Variants in AKT3 observed in about 807,000 individuals in gnomAD.
AKT3 encodes the protein RAC-gamma serine/threonine-protein kinase.
A neutral mutation model predicts 65.3 loss-of-function variants in AKT3; 15 were observed. The ratio of observed to expected loss-of-function variants is 0.23; its 90% CI spans 0.15 to 0.35. The LOEUF (loss-of-function observed/expected upper bound fraction) is 0.35, where lower values mean the gene tolerates loss of function less well. AKT3 is among the 10% of genes least tolerant of loss of function. The pLI is 1.00. For synonymous variants in AKT3, 206 were observed against 183.8 expected (o/e 1.12, Z -0.98); for missense variants, 243 against 576.5 (o/e 0.42, Z 5.92).
intron 6 of AKT3, among the ~76,000 whole-genome samples, chr1:243,627,908 C>T (rs537885456): frequency 1.3e-5 from 2 of 152,232 alleles, no homozygotes; most frequent in South Asian, 2.1e-4. Context: ...ACCTAAACAA[C>T]AGCAGGCTAT....
At chr1:243,725,012 C>T (rs181593647) in intron 2 of AKT3, among the ~76,000 whole-genome samples, 2 of 150,270 alleles carry the variant, frequency 1.3e-5, no homozygotes, top group Admixed American at 6.6e-5. Context: ...GGACCAGCCT[C>T]GGCAACATAG....
At chr1:243,803,644 GTACACACA>G (rs1191607737) in intron 2 of AKT3, among the ~76,000 whole-genome samples, 1 of 87,838 alleles carries the variant, frequency 1.1e-5, no homozygotes, top group African/African-American at 4.4e-5. Context: ...AGACGTACAT[GTACACACA>G]CACACACACA....
chr1:243,571,444 G>A (rs1377296039), intron 9 of AKT3, among the ~76,000 whole-genome samples: 2 of 152,042 alleles, frequency 1.3e-5, no homozygotes, highest in African/African-American at 4.8e-5. Flanking sequence ...CAGTCTTTAG[G>A]CTAATAATTC....
At chr1:243,576,029 A>C (rs1281729226) in intron 8 of AKT3, among the ~76,000 whole-genome samples, 2 of 152,142 alleles carry the variant, frequency 1.3e-5, no homozygotes, top group Non-Finnish European at 2.9e-5. Context: ...TTTTCTGTAG[A>C]TAATAAGTAT....
intron 3 of AKT3, among the ~76,000 whole-genome samples, chr1:243,677,194 C>CAT (rs1448375815): frequency 6.6e-6 from 1 of 152,182 alleles, no homozygotes; most frequent in East Asian, 1.9e-4. Flanking sequence ...TCACCTGACA[C>CAT]ATACTCCCTT....
At chr1:243,521,036 C>T (rs1670687930) in intron 12 of AKT3, among the ~76,000 whole-genome samples, 1 of 152,130 alleles carries the variant, frequency 6.6e-6, no homozygotes, top group Non-Finnish European at 1.5e-5. Context: ...TAAGAGATTC[C>T]ACAGACCTTT....
rs536290995 is a variant in AKT3 at position 243,606,244 on chromosome 1, G to T, written c.696+7427C>A. ...AATGTAAAAACAGCTTTCCAACCAG[G>T]TAACAGGCAAGGCTGGAACAGTATG... On this transcript the variant is annotated intron_variant, in intron 8 of 13. Coordinates refer to ENST00000673466, the MANE Select transcript of AKT3 (RefSeq NM_005465.7). 2.0e-5 allele frequency among the ~76,000 whole-genome samples: 3 copies of T among 152,292 alleles called. No individual in the cohort carries two copies. The East Asian group carries it at 5.8e-4, about 29-fold the overall frequency.
intron 13 of AKT3, among the ~76,000 whole-genome samples, chr1:243,511,077 G>C (rs1669982021): frequency 6.6e-6 from 1 of 152,234 alleles, no homozygotes; most frequent in Non-Finnish European, 1.5e-5. Context: ...TCTAGCAATG[G>C]CACAAGATTG....
At chr1:243,544,245 G>GAAA (rs377475491) in intron 12 of AKT3, among the ~76,000 whole-genome samples, 9 of 73,220 alleles carry the variant, frequency 1.2e-4, no homozygotes, top group East Asian at 4.6e-4. Flanking sequence ...GGTAGTGGGG[G>GAAA]AAAAAAAAAA....
intron 2 of AKT3, among the ~76,000 whole-genome samples, chr1:243,842,887 C>T (rs1695330767): frequency 6.6e-6 from 1 of 152,188 alleles, no homozygotes; most frequent in African/African-American, 2.4e-5. Flanking sequence ...ACGCTACACA[C>T]AACATACCAG....
At chr1:243,609,334 CTGTGTGTGTGTGTGTG>C (rs72249798) in intron 8 of AKT3, among the ~76,000 whole-genome samples, 2 of 148,068 alleles carry the variant, frequency 1.4e-5, no homozygotes, top group East Asian at 2.0e-4. Flanking sequence ...TTTTCATTTT[CTGTGTGTGTGTGTGTG>C]TGTGTGTGTG....
rs561456373 is a variant in AKT3, at chr1:243,536,513, C to A, written c.1251+8997G>T. On this transcript the variant is annotated intron_variant, in intron 12 of 13. Coordinates refer to ENST00000673466, the MANE Select transcript of AKT3 (RefSeq NM_005465.7). ...ACTTATCACGTTTAATATCTGAAAT[C>A]TACTTAGCCTCAAATTATTATTGTT... Among the ~76,000 whole-genome samples the A allele has an allele frequency of 1.5e-4, 23 of 152,270 alleles. No homozygotes were observed. In the South Asian group the frequency reaches 4.6e-3, roughly 30 times the overall value.
chr1:243,519,770 T>C (rs1157315724), intron 12 of AKT3, among the ~76,000 whole-genome samples: 1 of 152,104 alleles, frequency 6.6e-6, no homozygotes, highest in Non-Finnish European at 1.5e-5. Flanking sequence ...GACTTATTTT[T>C]CCCCTAAACT....
chr1:243,567,955 T>C (rs192076123), intron 9 of AKT3, among the ~76,000 whole-genome samples: 2 of 152,312 alleles, frequency 1.3e-5, no homozygotes, highest in East Asian at 1.9e-4. Context: ...TTCCAAAGCA[T>C]ATCAATGGCC....
At chr1:243,637,997 T>C (rs910897675) in intron 5 of AKT3, among the ~76,000 whole-genome samples, 1 of 152,066 alleles carries the variant, frequency 6.6e-6, no homozygotes, top group African/African-American at 2.4e-5. Context: ...ATCAGTTGTG[T>C]AAAAGGGCAA....
At chr1:243,677,038 C>A (rs1051952229) in intron 3 of AKT3, among the ~76,000 whole-genome samples, 15 of 152,118 alleles carry the variant, frequency 9.9e-5, no homozygotes, top group Non-Finnish European at 2.1e-4. Flanking sequence ...TAAGGAAGCC[C>A]CATTAATTAA....
At chr1:243,743,756 G>A (rs1688310281) in intron 2 of AKT3, among the ~76,000 whole-genome samples, 1 of 152,142 alleles carries the variant, frequency 6.6e-6, no homozygotes, top group Non-Finnish European at 1.5e-5. Flanking sequence ...TGCTACACCT[G>A]TCATGCCTGT....
chr1:243,550,713 A>AG (rs1403821715), intron 11 of AKT3, among the ~76,000 whole-genome samples: 4 of 134,298 alleles, frequency 3.0e-5, no homozygotes, highest in Admixed American at 8.7e-5. Flanking sequence ...TGGAAAGCCG[A>AG]GGGGGGTGGA....
At chr1:243,496,567 C>T (rs1046774223), downstream of AKT3, among the ~76,000 whole-genome samples, 1 of 152,204 alleles carries the variant, frequency 6.6e-6, no homozygotes, top group African/African-American at 2.4e-5. Context: ...GGGGTTGTTA[C>T]CTTCAGAAGG....
Sources: gnomAD v4.1 joint callset for allele counts (sites outside exome capture counted in the v4.1 genomes callset) on GRCh38, gnomAD v4.1.1 for gene constraint, MANE v1.5 for transcripts, NCBI Gene and HGNC (gene_info 2026-07-23, HGNC 2026-07-21) for gene names.